RBFOX1: variants seen among roughly 807,000 people sequenced by gnomAD.
The protein encoded by RBFOX1 is RNA binding fox-1 homolog 1, also known as RNA binding protein fox-1 homolog 1.
Under a neutral mutation model 57.7 loss-of-function variants are expected in RBFOX1, and 8 were observed. The observed-to-expected ratio is 0.14, with a 90% CI of 0.08 to 0.25. RBFOX1 has a LOEUF of 0.25. Among genes scored for constraint, RBFOX1 ranks in the 10% least tolerant of loss-of-function variants. RBFOX1 has a pLI of 1.00. For missense variants in RBFOX1, 611 were observed against 548.5 expected (o/e 1.11, Z -1.14); for synonymous variants, 326 against 222.4 (o/e 1.47, Z -4.15).
intron 1 of RBFOX1, among the ~76,000 whole-genome samples, chr16:5,305,896 A>C (rs1230480937): frequency 2.0e-5 from 3 of 152,118 alleles, no homozygotes; most frequent in African/African-American, 7.2e-5. Flanking sequence ...ATCTGTACAA[A>C]AAATTAAAAA....
At chr16:5,339,907 C>G (rs867901711) in intron 1 of RBFOX1, among the ~76,000 whole-genome samples, 1 of 152,022 alleles carries the variant, frequency 6.6e-6, no homozygotes, top group African/African-American at 2.4e-5. Context: ...ATGGGAGGCC[C>G]GTTCCCAAAG....
intron 4 of RBFOX1, among the ~76,000 whole-genome samples, chr16:7,481,246 C>T (rs1208854328): frequency 1.3e-5 from 2 of 152,114 alleles, no homozygotes; most frequent in African/African-American, 2.4e-5. Context: ...CAGCAAGAAA[C>T]ATAGAGCCCC....
At chr16:6,913,483 AC>A (rs1204128067) in intron 3 of RBFOX1, among the ~76,000 whole-genome samples, 4 of 151,582 alleles carry the variant, frequency 2.6e-5, no homozygotes, top group Admixed American at 1.3e-4. Flanking sequence ...CCTTCTTCAC[AC>A]CCCCACAACC....
chr16:7,633,842 G>C (rs558185696), intron 11 of RBFOX1, among the ~76,000 whole-genome samples: 1 of 152,192 alleles, frequency 6.6e-6, no homozygotes, highest in African/African-American at 2.4e-5. Flanking sequence ...CTCTTTTATG[G>C]CTTTTTGGTC....
intron 3 of RBFOX1, among the ~76,000 whole-genome samples, chr16:5,857,763 GA>G (rs367716165): frequency 4.1e-5 from 6 of 147,412 alleles, no homozygotes; most frequent in East Asian, 2.0e-4. Flanking sequence ...CTCTACCAAG[GA>G]AAAAAAAAAC....
At chr16:5,545,985 A>C (rs897184449) in intron 2 of RBFOX1, among the ~76,000 whole-genome samples, 1 of 152,170 alleles carries the variant, frequency 6.6e-6, no homozygotes, top group Non-Finnish European at 1.5e-5. Context: ...ATTATAGAAC[A>C]GTAAGATAAT....
At chr16:5,953,022 C>G (rs1461736235) in intron 4 of RBFOX1, among the ~76,000 whole-genome samples, 2 of 151,858 alleles carry the variant, frequency 1.3e-5, no homozygotes, top group Non-Finnish European at 2.9e-5. Flanking sequence ...CAGTTCCCAG[C>G]CTGGCTACAT....
At chr16:5,751,845 C>G (rs1174411979) in intron 3 of RBFOX1, among the ~76,000 whole-genome samples, 2 of 152,152 alleles carry the variant, frequency 1.3e-5, no homozygotes, top group African/African-American at 4.8e-5. Flanking sequence ...ATTAGTTCAA[C>G]CATTGTGGAA....
At chr16:7,301,293 T>C (rs539041620) in intron 4 of RBFOX1, among the ~76,000 whole-genome samples, 2 of 152,342 alleles carry the variant, frequency 1.3e-5, no homozygotes, top group African/African-American at 4.8e-5. Flanking sequence ...AGGGGACTTG[T>C]CCCTGTGTGT....
intron 1 of RBFOX1, among the ~76,000 whole-genome samples, chr16:6,131,696 A>G (rs60544798): frequency 0.013 from 2,045 of 152,298 alleles, 46 homozygotes; most frequent in African/African-American, 0.047. Flanking sequence ...ATCTCATTGA[A>G]TCACTCTGGA....
chr16:5,720,301 G>C (rs953187651), intron 3 of RBFOX1, among the ~76,000 whole-genome samples: 3 of 152,040 alleles, frequency 2.0e-5, no homozygotes, highest in African/African-American at 7.3e-5. Flanking sequence ...TGTGAGAGTT[G>C]TTTATATGTT....
At chr16:6,329,505 C>T (rs1342355477) in intron 2 of RBFOX1, among the ~76,000 whole-genome samples, 3 of 152,132 alleles carry the variant, frequency 2.0e-5, no homozygotes, top group African/African-American at 7.2e-5. Context: ...ACAAAAGTTC[C>T]AGTGGGACTG....
chr16:6,984,704 G>C (rs1443823595), intron 3 of RBFOX1, among the ~76,000 whole-genome samples: 3 of 152,058 alleles, frequency 2.0e-5, no homozygotes, highest in Non-Finnish European at 4.4e-5. Flanking sequence ...GCAGTGGTGT[G>C]ATCTCTTCTC....
At chr16:7,436,656 G>C (rs1265539968) in intron 4 of RBFOX1, among the ~76,000 whole-genome samples, 1 of 152,342 alleles carries the variant, frequency 6.6e-6, no homozygotes, top group East Asian at 1.9e-4. Context: ...GGATCACTCA[G>C]GAACCTTTGA....
intron 2 of RBFOX1, among the ~76,000 whole-genome samples, chr16:6,526,883 TA>T (rs1358335076): frequency 7.8e-6 from 1 of 127,408 alleles, no homozygotes; most frequent in Non-Finnish European, 1.6e-5. Flanking sequence ...AGAAATACTC[TA>T]AGAGGTAGGT....
At chr16:6,039,631 G>T (rs1299634287) in intron 1 of RBFOX1, among the ~76,000 whole-genome samples, 1 of 152,184 alleles carries the variant, frequency 6.6e-6, no homozygotes, top group Non-Finnish European at 1.5e-5. Context: ...TTGACACTGA[G>T]TGTGTTCAGT....
chr16:5,480,477 C>T (rs952993236), intron 2 of RBFOX1, among the ~76,000 whole-genome samples: 17 of 152,172 alleles, frequency 1.1e-4, no homozygotes, highest in African/African-American at 3.6e-4. Flanking sequence ...AACTCACTAC[C>T]ATAATAAACC....
chr16:5,509,266 G>T (rs1333296698), intron 2 of RBFOX1, among the ~76,000 whole-genome samples: 3 of 152,204 alleles, frequency 2.0e-5, no homozygotes, highest in Non-Finnish European at 4.4e-5. Flanking sequence ...AATTGGCAAT[G>T]ATGGAAGAAG....
intron 5 of RBFOX1, among the ~76,000 whole-genome samples, chr16:7,532,132 C>CT (rs545574581): frequency 0.051 from 4,829 of 95,240 alleles, 222 homozygotes; most frequent in African/African-American, 0.12. Flanking sequence ...AACTAGCTAC[C>CT]TTTTTTTTTT....
Sources: gnomAD v4.1 joint callset for allele counts (sites outside exome capture counted in the v4.1 genomes callset) on GRCh38, gnomAD v4.1.1 for gene constraint, MANE v1.5 for transcripts, NCBI Gene and HGNC (gene_info 2026-07-23, HGNC 2026-07-21) for gene names.